The following MLIP variants were observed in gnomAD, a reference collection of about 807,000 sequenced individuals.
MLIP encodes the protein muscular LMNA interacting protein.
Under a neutral mutation model 84.8 loss-of-function variants are expected in MLIP, and 79 were observed. The ratio of observed to expected loss-of-function variants is 0.93; its 90% CI spans 0.78 to 1.12. MLIP has a LOEUF of 1.12. Among genes scored for constraint, MLIP ranks in the 50% most tolerant of loss-of-function variants. The probability of loss-of-function intolerance (pLI) is 0.00; values close to 1 mark genes in which losing one functional copy is unlikely to be tolerated. For missense variants in MLIP, 1,257 were observed against 1,160.6 expected (o/e 1.08, Z -1.21); for synonymous variants, 504 against 463.0 (o/e 1.09, Z -1.14).
At chr6:54,233,342 C>A (rs1781136277) in intron 12 of MLIP, among the ~76,000 whole-genome samples, 2 of 151,944 alleles carry the variant, frequency 1.3e-5, no homozygotes, top group Admixed American at 1.3e-4. Context: ...CCCCACCCCC[C>A]AACAGGCCCC....
At chr6:54,078,986 C>T (rs1766973140) in intron 1 of MLIP, among the ~76,000 whole-genome samples, 1 of 152,044 alleles carries the variant, frequency 6.6e-6, no homozygotes, top group African/African-American at 2.4e-5. Flanking sequence ...CCACCGCGCC[C>T]GGCCCAAGAA....
At chr6:54,222,117 C>T (rs775259386) in intron 11 of MLIP, among the ~76,000 whole-genome samples, 7 of 151,832 alleles carry the variant, frequency 4.6e-5, no homozygotes, top group South Asian at 4.2e-4. Context: ...AAAAACTTGA[C>T]GTTTTGATAC....
At chr6:54,040,392 G>A (rs1303081184) in intron 1 of MLIP, among the ~76,000 whole-genome samples, 5 of 151,898 alleles carry the variant, frequency 3.3e-5, no homozygotes, top group Non-Finnish European at 5.9e-5. Flanking sequence ...CTTCAGAATG[G>A]CTAGTATTAA....
intron 1 of MLIP, among the ~76,000 whole-genome samples, chr6:54,075,661 A>G (rs1179751410): frequency 6.6e-6 from 1 of 152,170 alleles, no homozygotes; most frequent in Non-Finnish European, 1.5e-5. Context: ...ATTTTTTCTA[A>G]CTAACATTTC....
chr6:54,155,918 A>G (rs1773977273), intron 5 of MLIP, among the ~76,000 whole-genome samples: 2 of 152,126 alleles, frequency 1.3e-5, no homozygotes, highest in Admixed American at 6.6e-5. Flanking sequence ...GAATGAGCTC[A>G]AAGAATATTC....
chr6:54,168,813 T>TG (rs1013046062), intron 8 of MLIP, among the ~76,000 whole-genome samples: 1 of 150,602 alleles, frequency 6.6e-6, no homozygotes, highest in Non-Finnish European at 1.5e-5. Flanking sequence ...GATACAAGTA[T>TG]GGAGAAAAAT....
intron 1 of MLIP, among the ~76,000 whole-genome samples, chr6:54,115,314 A>G (rs1013048568): frequency 1.3e-5 from 2 of 152,180 alleles, no homozygotes; most frequent in African/African-American, 4.8e-5. Flanking sequence ...TTTGAGGGGT[A>G]TCCAAAAGAG....
At chr6:54,062,444 C>T (rs1419547277) in intron 1 of MLIP, among the ~76,000 whole-genome samples, 1 of 152,178 alleles carries the variant, frequency 6.6e-6, no homozygotes, top group East Asian at 1.9e-4. Flanking sequence ...ACAGACTATA[C>T]ATAATATAGC....
chr6:54,124,789 C>T lies in MLIP; in HGVS notation c.569C>T (p.Thr190Ile). The change falls in exon 3 of 14, where the codon ACA becomes ATA. Residue 190 changes from threonine (T) to isoleucine (I), a missense_variant. By Grantham distance (89) the Thr-to-Ile change is moderately conservative. Transcript: ENST00000502396. ...SLVSDVVRPKTQGTDLKTSSH... is the reference protein window; with the variant it reads ...SLVSDVVRPKIQGTDLKTSSH... ...GTCTCTGATGTAGTGCGTCCCAAAA[C>T]ACAGGGGACTGATCTCAAGACCTCA... 6.2e-7 allele frequency: 1 copy of T among 1,614,094 alleles called. No homozygotes were observed. The highest frequency in any genetic ancestry group is 8.5e-7 in the Non-Finnish European group (1 of 1,180,000).
At chr6:54,212,480 G>T (rs1779527514) in intron 11 of MLIP, among the ~76,000 whole-genome samples, 1 of 152,162 alleles carries the variant, frequency 6.6e-6, no homozygotes, top group African/African-American at 2.4e-5. Context: ...TATTGTTTAA[G>T]TCAACATCAT....
chr6:54,031,441 C>T (rs562125472), intron 1 of MLIP: 1 of 152,286 alleles, frequency 6.6e-6, no homozygotes, highest in South Asian at 2.1e-4. Context: ...GTTCTTGGCA[C>T]CTTGTAAGCC....
chr6:54,220,497 A>G (rs1056768669), intron 11 of MLIP, among the ~76,000 whole-genome samples: 2 of 152,200 alleles, frequency 1.3e-5, no homozygotes, highest in Non-Finnish European at 2.9e-5. Context: ...TAACAATAGA[A>G]TGATGAACTG....
chr6:54,184,523 T>C (rs1309413112), intron 9 of MLIP, among the ~76,000 whole-genome samples: 1 of 152,198 alleles, frequency 6.6e-6, no homozygotes, highest in African/African-American at 2.4e-5. Flanking sequence ...GGCTGTTCTT[T>C]GTTTGCCTTT....
chr6:54,088,563 G>A (rs1001764951), intron 1 of MLIP, among the ~76,000 whole-genome samples: 1 of 152,202 alleles, frequency 6.6e-6, no homozygotes, highest in Non-Finnish European at 1.5e-5. Context: ...TCTCTCAGGT[G>A]TTAGAGCAGA....
At chr6:54,231,701 T>C (rs780980930) in intron 12 of MLIP, among the ~76,000 whole-genome samples, 1 of 152,192 alleles carries the variant, frequency 6.6e-6, no homozygotes, top group Non-Finnish European at 1.5e-5. Flanking sequence ...TTTAATTAAA[T>C]CTTTTTGTGA....
intron 1 of MLIP, among the ~76,000 whole-genome samples, chr6:54,085,258 T>C (rs1767408547): frequency 6.6e-6 from 1 of 152,162 alleles, no homozygotes; most frequent in African/African-American, 2.4e-5. Flanking sequence ...TTGAGAAACA[T>C]TGTGTGACAA....
At chr6:54,056,482 C>G (rs1238935624) in intron 1 of MLIP, among the ~76,000 whole-genome samples, 1 of 152,138 alleles carries the variant, frequency 6.6e-6, no homozygotes, top group East Asian at 1.9e-4. Context: ...ATAGATTGCT[C>G]TATGAATTGA....
At chr6:54,259,457 GTTAT>G (rs1783239967) in intron 13 of MLIP, among the ~76,000 whole-genome samples, 2 of 151,810 alleles carry the variant, frequency 1.3e-5, no homozygotes, top group Admixed American at 6.6e-5. Flanking sequence ...AAATGAATTG[GTTAT>G]TTAAATTACA....
At chr6:54,087,474 A>G (rs1767574423) in intron 1 of MLIP, among the ~76,000 whole-genome samples, 1 of 152,218 alleles carries the variant, frequency 6.6e-6, no homozygotes, top group African/African-American at 2.4e-5. Context: ...CAAAAAAGAA[A>G]CATAAAAAAA....
Sources: allele counts gnomAD v4.1 joint callset (sites outside exome capture counted in the v4.1 genomes callset), GRCh38; gene constraint gnomAD v4.1.1; transcripts MANE v1.5; gene names NCBI Gene and HGNC (gene_info 2026-07-23, HGNC 2026-07-21).